Variants in NOL4L observed in about 807,000 individuals in gnomAD.
NOL4L encodes the protein nucleolar protein 4-like.
Under a neutral mutation model 64.5 loss-of-function variants are expected in NOL4L, and 7 were observed. That is an observed-to-expected ratio of 0.11 (90% CI 0.06 to 0.20). The LOEUF is 0.20. Among genes scored for constraint, NOL4L ranks in the 10% least tolerant of loss-of-function variants. The probability of loss-of-function intolerance (pLI) is 1.00; values close to 1 mark genes in which losing one functional copy is unlikely to be tolerated. For synonymous variants in NOL4L, 413 were observed against 401.0 expected, an observed-to-expected ratio of 1.03 and a Z score of -0.36; for missense variants, 680 against 967.1, an observed-to-expected ratio of 0.70 and a Z score of 3.94.
At chr20:32,465,971 A>G (rs901211817) in intron 5 of NOL4L, among the ~76,000 whole-genome samples, 4 of 128,354 alleles carry the variant, frequency 3.1e-5, no homozygotes, top group Non-Finnish European at 6.7e-5. Context: ...GCTCACCTTC[A>G]CCTCCATTCT....
At chr20:32,466,531 T>C (rs1407413771) in intron 5 of NOL4L, among the ~76,000 whole-genome samples, 1 of 152,084 alleles carries the variant, frequency 6.6e-6, no homozygotes, top group Non-Finnish European at 1.5e-5. Flanking sequence ...AGCCAATCCC[T>C]GGAAGGCTTG....
intron 1 of NOL4L, among the ~76,000 whole-genome samples, chr20:32,581,301 G>A (rs1470044846): frequency 1.3e-5 from 2 of 152,122 alleles, no homozygotes; most frequent in African/African-American, 4.8e-5. Flanking sequence ...GCTGCAGGAG[G>A]CCCTGTGGAG....
chr20:32,461,848 T>TTCACAGAAGCGGCCCCAGCCC (rs1436542719), intron 5 of NOL4L, among the ~76,000 whole-genome samples: 2 of 151,794 alleles, frequency 1.3e-5, no homozygotes, highest in Non-Finnish European at 2.9e-5. Context: ...GTGCCCAGCC[T>TTCACAGAAGCGGCCCCAGCCC]TCACAGAAGC....
intron 1 of NOL4L, among the ~76,000 whole-genome samples, chr20:32,550,914 G>GTCA (rs2018792463): frequency 1.3e-5 from 2 of 151,636 alleles, no homozygotes; most frequent in African/African-American, 4.9e-5. Flanking sequence ...AAAAAAGTTA[G>GTCA]GCGTGGTGGT....
At chr20:32,485,072 A>AAAC (rs1289454217) in intron 4 of NOL4L, among the ~76,000 whole-genome samples, 2 of 146,812 alleles carry the variant, frequency 1.4e-5, no homozygotes, top group African/African-American at 5.0e-5. Context: ...AAAAAAAAAA[A>AAAC]AAAAAAAAAA....
intron 1 of NOL4L, among the ~76,000 whole-genome samples, chr20:32,584,169 A>ACC (rs1980731558): frequency 2.5e-5 from 3 of 118,052 alleles, no homozygotes; most frequent in South Asian, 3.2e-4. Flanking sequence ...ACACACACAC[A>ACC]CCGCCCAGCC....
At chr20:32,515,372 A>G (rs1375711081) in intron 3 of NOL4L, among the ~76,000 whole-genome samples, 1 of 152,078 alleles carries the variant, frequency 6.6e-6, no homozygotes, top group Non-Finnish European at 1.5e-5. Context: ...TGGGGGAGGG[A>G]GGACCTCCGC....
chr20:32,519,739 AG>A (rs1327990647), intron 3 of NOL4L: 4 of 152,344 alleles, frequency 2.6e-5, no homozygotes, highest in African/African-American at 9.6e-5. Context: ...CTCACTGGGC[AG>A]GACAGAGCTG....
rs1251584194 is a variant in NOL4L, at chr20:32,447,521, T to C, written c.*75A>G. The C allele has an allele frequency of 2.3e-5, 34 of 1,500,248 alleles. No homozygotes were observed. Among genetic ancestry groups the C allele is most frequent in the Non-Finnish European group, 3.0e-5 (34 of 1,134,698 alleles). 92.9% of individuals were successfully genotyped at this position (1,500,248 alleles called of 1,614,324 possible). A position where few individuals can be genotyped will look rare whatever the true frequency, so the allele number is the denominator to read the frequency against. On this transcript the variant is annotated 3_prime_UTR_variant, in exon 11 of 11. Transcript: ENST00000621426. ...TCTTTCAAAAACAAAATGTACCAACTGGTGAGGCAGGAAGCCAGGTCCAGG... is the reference window on the plus strand; with the variant it reads ...TCTTTCAAAAACAAAATGTACCAACCGGTGAGGCAGGAAGCCAGGTCCAGG...
intron 5 of NOL4L, among the ~76,000 whole-genome samples, chr20:32,471,091 T>C (rs945440634): frequency 6.6e-6 from 1 of 151,980 alleles, no homozygotes; most frequent in Non-Finnish European, 1.5e-5. Flanking sequence ...AGTGGCAGGG[T>C]TGGGGGCAGA....
At chr20:32,515,103 A>G (rs2017592485) in intron 3 of NOL4L, among the ~76,000 whole-genome samples, 1 of 152,134 alleles carries the variant, frequency 6.6e-6, no homozygotes, top group South Asian at 2.1e-4. Flanking sequence ...TAGGAAAAAT[A>G]AAACAGTGGC....
chr20:32,497,328 T>A (rs2016734728), intron 4 of NOL4L, among the ~76,000 whole-genome samples: 1 of 140,002 alleles, frequency 7.1e-6, no homozygotes, highest in African/African-American at 2.7e-5. Flanking sequence ...AAAGGACCCA[T>A]CAGGCTGACA....
intron 1 of NOL4L, among the ~76,000 whole-genome samples, chr20:32,528,249 G>A (rs918573683): frequency 1.6e-4 from 24 of 152,214 alleles, no homozygotes; most frequent in South Asian, 8.3e-4. Context: ...AGACCATCCT[G>A]GAAGTCTCTG....
At chr20:32,484,044 TG>T (rs1279500173) in intron 4 of NOL4L, among the ~76,000 whole-genome samples, 1 of 139,118 alleles carries the variant, frequency 7.2e-6, no homozygotes, top group Non-Finnish European at 1.6e-5. Flanking sequence ...CGGTGGGGGC[TG>T]GGGGGAGAGG....
At chr20:32,524,073 G>A (rs764586596) in intron 2 of NOL4L, among the ~76,000 whole-genome samples, 7 of 152,184 alleles carry the variant, frequency 4.6e-5, no homozygotes, top group Non-Finnish European at 7.3e-5. Flanking sequence ...TGTGGAACCC[G>A]ATCTGACCTA....
chr20:32,461,421 CTTTTTTTTT>C (rs869282447), intron 5 of NOL4L, among the ~76,000 whole-genome samples: 3 of 58,354 alleles, frequency 5.1e-5, no homozygotes, highest in South Asian at 5.7e-4. Flanking sequence ...CCTTTCTTTT[CTTTTTTTTT>C]TTTTTTTTTT....
At chr20:32,501,323 ACTGT>A (rs1174604446) in intron 4 of NOL4L, among the ~76,000 whole-genome samples, 2 of 152,228 alleles carry the variant, frequency 1.3e-5, no homozygotes, top group Non-Finnish European at 2.9e-5. Context: ...ACTCTTCGAA[ACTGT>A]CAAGGTTATC....
intron 1 of NOL4L, among the ~76,000 whole-genome samples, chr20:32,544,499 A>G (rs1303895915): frequency 6.6e-6 from 1 of 152,098 alleles, no homozygotes; most frequent in Non-Finnish European, 1.5e-5. Context: ...GGGTGCCAAC[A>G]AGGATTTTTC....
intron 4 of NOL4L, among the ~76,000 whole-genome samples, chr20:32,508,194 C>T (rs1340180679): frequency 1.3e-5 from 2 of 152,180 alleles, no homozygotes; most frequent in Non-Finnish European, 2.9e-5. Context: ...CTTGGGACAT[C>T]GGATTTGACA....
Sources: gnomAD v4.1 joint callset for allele counts (sites outside exome capture counted in the v4.1 genomes callset) on GRCh38, gnomAD v4.1.1 for gene constraint, MANE v1.5 for transcripts, NCBI Gene and HGNC (gene_info 2026-07-23, HGNC 2026-07-21) for gene names.